ROBO2: variants seen among roughly 807,000 people sequenced by gnomAD.
ROBO2 encodes roundabout homolog 2.
ROBO2 carries 53 observed loss-of-function variants against 160.8 expected under a neutral mutation model. That is an observed-to-expected ratio of 0.33 (90% CI 0.26 to 0.41). The LOEUF is 0.41. ROBO2 is among the 10% of genes least tolerant of loss of function. The pLI, the probability that ROBO2 is intolerant of heterozygous loss-of-function variation, is 1.00. For synonymous variants in ROBO2, 664 were observed against 611.7 expected, an observed-to-expected ratio of 1.09 and a Z score of -1.26; for missense variants, 1,577 against 1,722.4, an observed-to-expected ratio of 0.92 and a Z score of 1.49.
At chr3:76,400,645 A>C (rs2077759050) in intron 2 of ROBO2, among the ~76,000 whole-genome samples, 1 of 151,628 alleles carries the variant, frequency 6.6e-6, no homozygotes, top group Admixed American at 6.6e-5. Flanking sequence ...CTACATCATC[A>C]CACATCTGAT....
rs371649400 is a variant in ROBO2, at chr3:76,429,166, G to GCA, written c.109+491590_109+491591dup. Among the ~76,000 whole-genome samples the GCA allele has an allele frequency of 4.9e-3, 730 of 149,114 alleles. 13 individuals are homozygous for GCA. In the East Asian group the frequency reaches 0.065, roughly 13 times the overall value. On this transcript the variant is annotated intron_variant, in intron 2 of 26. Coordinates refer to the ROBO2 transcript ENST00000487694. ...TCACAGAACTCACAGACCAGTGGGC[G>GCA]CACACACACACACACACACACACAC...
At chr3:77,439,130 G>C (rs1056776965) in intron 2 of ROBO2, among the ~76,000 whole-genome samples, 1 of 151,930 alleles carries the variant, frequency 6.6e-6, no homozygotes, top group African/African-American at 2.4e-5. Flanking sequence ...AGCTTTAGCA[G>C]CTAATTTTCT....
At chr3:75,976,595 T>C (rs34947576) in intron 2 of ROBO2, among the ~76,000 whole-genome samples, 19,074 of 151,606 alleles carry the variant, frequency 0.13, 1,365 homozygotes, top group East Asian at 0.2. Context: ...TAACGTATAA[T>C]ACATTCTCCA....
At chr3:77,187,602 G>A (rs1040656514) in intron 2 of ROBO2, among the ~76,000 whole-genome samples, 9 of 151,708 alleles carry the variant, frequency 5.9e-5, no homozygotes, top group African/African-American at 1.2e-4. Flanking sequence ...CCTTACAGTC[G>A]CTGCCTCATG....
At chr3:77,220,895 G>A (rs1055107383) in intron 2 of ROBO2, among the ~76,000 whole-genome samples, 10 of 152,064 alleles carry the variant, frequency 6.6e-5, no homozygotes, top group African/African-American at 2.4e-4. Flanking sequence ...AGAAATAATA[G>A]TAGAATAATA....
chr3:77,488,783 A>G (rs1326570853), intron 4 of ROBO2, among the ~76,000 whole-genome samples: 1 of 152,218 alleles, frequency 6.6e-6, no homozygotes, highest in East Asian at 1.9e-4. Context: ...TTGCCACTGC[A>G]GATCCAACGC....
At chr3:77,498,142 A>G (rs75344931) in intron 5 of ROBO2, among the ~76,000 whole-genome samples, 15 of 152,194 alleles carry the variant, frequency 9.9e-5, no homozygotes, top group Middle Eastern at 6.8e-3. Flanking sequence ...TCTCTCATCA[A>G]TCATATAACT....
rs201281773 is a variant in ROBO2 at position 77,068,618 on chromosome 3, A to G, written c.61+27772A>G. On this transcript the variant is annotated intron_variant, in intron 1 of 25. Transcript: ENST00000461745. ...GTATGATATAAATATATCTTAAAAT[A>G]TAATTCAAACTCATTACTGATTTGT... 2.0e-5 allele frequency among the ~76,000 whole-genome samples: 3 copies of G among 152,172 alleles called. No homozygotes were observed. The East Asian group carries it at 5.8e-4, about 29-fold the overall frequency.
chr3:77,479,563 G>A (rs147219546), intron 3 of ROBO2, among the ~76,000 whole-genome samples: 271 of 152,012 alleles, frequency 1.8e-3, no homozygotes, highest in Middle Eastern at 6.8e-3. Flanking sequence ...TTGGGATATC[G>A]TTTTCTGAGC....
At chr3:77,618,748 T>A (rs2094836186) in intron 22 of ROBO2, among the ~76,000 whole-genome samples, 1 of 152,184 alleles carries the variant, frequency 6.6e-6, no homozygotes, top group African/African-American at 2.4e-5. Flanking sequence ...GAGTATTACT[T>A]AAAGATTATT....
intron 2 of ROBO2, among the ~76,000 whole-genome samples, chr3:76,893,828 G>A (rs927784557): frequency 1.3e-5 from 2 of 151,588 alleles, no homozygotes; most frequent in Non-Finnish European, 2.9e-5. Flanking sequence ...TCCTCCCACC[G>A]ACCCACCCTT....
At chr3:77,107,699 C>T (rs919524880) in intron 2 of ROBO2, among the ~76,000 whole-genome samples, 13 of 152,090 alleles carry the variant, frequency 8.5e-5, no homozygotes, top group African/African-American at 3.1e-4. Flanking sequence ...AGACCAGTCT[C>T]CTCTGGATAC....
chr3:76,154,174 C>T (rs191517457), intron 2 of ROBO2, among the ~76,000 whole-genome samples: 13 of 152,166 alleles, frequency 8.5e-5, no homozygotes, highest in East Asian at 7.7e-4. Context: ...GCTTTGGTAA[C>T]GTTGTTTAAA....
intron 2 of ROBO2, among the ~76,000 whole-genome samples, chr3:77,360,823 CACATTCTATAT>C (rs2069865707): frequency 6.6e-6 from 1 of 151,980 alleles, no homozygotes; most frequent in Non-Finnish European, 1.5e-5. Flanking sequence ...TTCATCTGAC[CACATTCTATAT>C]TTTGGGAAGC....
At chr3:76,179,729 C>T (rs537658194) in intron 2 of ROBO2, among the ~76,000 whole-genome samples, 1 of 152,258 alleles carries the variant, frequency 6.6e-6, no homozygotes, top group South Asian at 2.1e-4. Flanking sequence ...ATCCAGTTTT[C>T]AGCTGAAACC....
At chr3:76,207,308 T>A (rs1444548247) in intron 2 of ROBO2, among the ~76,000 whole-genome samples, 2 of 152,162 alleles carry the variant, frequency 1.3e-5, no homozygotes. Context: ...GTTAAATATA[T>A]TCTTAAAACA....
intron 2 of ROBO2, among the ~76,000 whole-genome samples, chr3:76,873,580 G>A (rs529718519): frequency 1.3e-5 from 2 of 152,164 alleles, no homozygotes; most frequent in East Asian, 1.9e-4. Context: ...AGTAGTCGTC[G>A]TCGTCGTCGT....
At chr3:77,640,382 C>G (rs990430285) in intron 24 of ROBO2, among the ~76,000 whole-genome samples, 2 of 152,086 alleles carry the variant, frequency 1.3e-5, no homozygotes, top group East Asian at 3.9e-4. Flanking sequence ...CAAAGTGCTG[C>G]GATTTACAGG....
chr3:77,069,049 C>T (rs2067144936), intron 1 of ROBO2, among the ~76,000 whole-genome samples: 1 of 152,164 alleles, frequency 6.6e-6, no homozygotes, highest in Admixed American at 6.6e-5. Flanking sequence ...TACCTTCTTT[C>T]TACCAAGGCA....
Sources: allele counts gnomAD v4.1 joint callset (sites outside exome capture counted in the v4.1 genomes callset), GRCh38; gene constraint gnomAD v4.1.1; transcripts MANE v1.5; gene names NCBI Gene and HGNC (gene_info 2026-07-23, HGNC 2026-07-21).